Variants in BSPRY observed in about 807,000 individuals in gnomAD.
BSPRY encodes the protein B-box and SPRY domain containing.
In BSPRY, 33 loss-of-function variants were observed where a neutral mutation model predicts 38.0. The observed-to-expected ratio is 0.87, with a 90% CI of 0.66 to 1.16. BSPRY has a LOEUF of 1.16. BSPRY is among the 50% of genes most tolerant of loss of function. BSPRY has a pLI of 0.00. For missense variants in BSPRY, 523 were observed against 533.2 expected (o/e 0.98, Z 0.19); for synonymous variants, 224 against 228.5 (o/e 0.98, Z 0.18).
At position 113,371,012 on chromosome 9, in the gene BSPRY, T is replaced by C. The variant is rs1439216771; in HGVS notation, c.*870T>C. The C allele has an allele frequency of 2.0e-5, 3 of 152,270 alleles. No individual in the cohort carries two copies. The highest frequency in any genetic ancestry group is 7.2e-5 in the African/African-American group (3 of 41,462). 9.4% of individuals were successfully genotyped at this position (152,270 alleles called of 1,614,324 possible). Reference sequence around the variant, plus strand: ...GGATCATGTCTCCAGGTAACCCGACTGTAGCCCCTGCTGGCTGAGCTCCAG... The same window carrying C: ...GGATCATGTCTCCAGGTAACCCGACCGTAGCCCCTGCTGGCTGAGCTCCAG... On this transcript the variant is annotated 3_prime_UTR_variant, in exon 6 of 6. Transcript: ENST00000374183.
At chr9:113,358,416 C>T (rs1242761229) in intron 2 of BSPRY, among the ~76,000 whole-genome samples, 1 of 151,810 alleles carries the variant, frequency 6.6e-6, no homozygotes, top group East Asian at 2.0e-4. Context: ...TTACAGGCTC[C>T]CACCACCAGG....
At chr9:113,360,146 T>C (rs1441303585) in intron 2 of BSPRY, among the ~76,000 whole-genome samples, 1 of 152,224 alleles carries the variant, frequency 6.6e-6, no homozygotes, top group Non-Finnish European at 1.5e-5. Flanking sequence ...TTAGGCCCTC[T>C]GCTCTGCAAT....
intron 4 of BSPRY, 35 bp downstream of exon 4, chr9:113,362,429 T>G: frequency 6.2e-7 from 1 of 1,607,052 alleles, no homozygotes; most frequent in Non-Finnish European, 8.5e-7. Flanking sequence ...CTGGGTAGTC[T>G]TGGAGACCCT....
intron 4 of BSPRY, among the ~76,000 whole-genome samples, chr9:113,367,116 AT>A (rs1471198386): frequency 2.0e-5 from 3 of 152,190 alleles, no homozygotes; most frequent in African/African-American, 7.2e-5. Context: ...CCTGGGCTTC[AT>A]CCCAGTTTTG....
intron 4 of BSPRY, among the ~76,000 whole-genome samples, chr9:113,363,183 C>A (rs575448503): frequency 8.7e-4 from 133 of 152,320 alleles, no homozygotes; most frequent in Non-Finnish European, 2.9e-4. Context: ...TGGTGTCTTA[C>A]ACCTGTAATT....
Position 113,349,541 on chromosome 9 carries a change from A to C in BSPRY, c.-39A>C. ...GGTCAGCCAGGCCCCGCCCGCCGCC[A>C]CCTGCGACAGGTGGAGCGCACGGGG... On this transcript the variant is annotated 5_prime_UTR_variant, in exon 1 of 6. Coordinates refer to ENST00000374183, the MANE Select transcript of BSPRY (RefSeq NM_017688.3). The C allele has an allele frequency of 1.8e-6, 2 of 1,104,764 alleles. No individual in the cohort carries two copies. Among genetic ancestry groups the C allele is most frequent in the Non-Finnish European group, 2.2e-6 (2 of 908,122 alleles). The allele number at this position is 1,104,764 out of a possible 1,614,324, so 68.4% of individuals were successfully genotyped here.
chr9:113,356,025 A>T (rs1834052271), intron 2 of BSPRY, among the ~76,000 whole-genome samples: 1 of 152,236 alleles, frequency 6.6e-6, no homozygotes, highest in Admixed American at 6.5e-5. Flanking sequence ...TCAATGGGTT[A>T]GGCATTCTCC....
At position 113,360,515 on chromosome 9, in the gene BSPRY, C is replaced by T; in HGVS notation, c.309C>T (p.Ala103=). The change falls in exon 3 of 6, where the codon GCC becomes GCT. Residue 103 remains alanine (A), a synonymous_variant. Coordinates refer to ENST00000374183, the MANE Select transcript of BSPRY (RefSeq NM_017688.3). The part of the protein sequence containing the change: ...PGKNQRAVSM[A]SAARELVIQR... ...ATTTTATCCCTCATTAGAGCATGGC[C>T]AGTGCAGCGAGGGAACTGGTTATCC... 1.9e-6 allele frequency: 3 copies of T among 1,595,784 alleles called. No homozygotes were observed. The highest frequency in any genetic ancestry group is 2.6e-6 in the Non-Finnish European group (3 of 1,173,208).
At chr9:113,357,749 C>A (rs968886567) in intron 2 of BSPRY, among the ~76,000 whole-genome samples, 3 of 151,144 alleles carry the variant, frequency 2.0e-5, no homozygotes, top group Admixed American at 2.0e-4. Flanking sequence ...CACTCCATTG[C>A]CCAGGCTGAA....
chr9:113,354,153 CAT>C (rs139872649), intron 1 of BSPRY, 85 bp from the exon 2 acceptor site: 104,802 of 1,076,748 alleles, frequency 0.097, 5,616 homozygotes, highest in Non-Finnish European at 0.11. Context: ...GGGTGGCTGA[CAT>C]GTGGTAACAG....
chr9:113,365,705 C>T lies in BSPRY; in HGVS notation c.558-2554C>T, dbSNP rs147326963. 2.6e-3 allele frequency among the ~76,000 whole-genome samples: 387 copies of T among 147,160 alleles called. 3 individuals are homozygous for T. Among genetic ancestry groups the T allele is most frequent in the African/African-American group, 9.6e-3 (380 of 39,486 alleles). ...CTCACTCAGCTCACTCAGCATATAGCAGATGGAACTAGGAAGGGAGAAAGA... is the reference window on the plus strand; with the variant it reads ...CTCACTCAGCTCACTCAGCATATAGTAGATGGAACTAGGAAGGGAGAAAGA... On this transcript the variant is annotated intron_variant, in intron 4 of 5. Coordinates refer to ENST00000374183, the MANE Select transcript of BSPRY (RefSeq NM_017688.3).
At chr9:113,356,098 G>C (rs1411582542) in intron 2 of BSPRY, among the ~76,000 whole-genome samples, 1 of 152,226 alleles carries the variant, frequency 6.6e-6, no homozygotes, top group Non-Finnish European at 1.5e-5. Context: ...AAGAGGGACA[G>C]TAACAAAATC....
chr9:113,355,890 A>G (rs1834049843), intron 2 of BSPRY, among the ~76,000 whole-genome samples: 1 of 152,100 alleles, frequency 6.6e-6, no homozygotes, highest in African/African-American at 2.4e-5. Flanking sequence ...TGCTGGGATT[A>G]CAGGCGTGAG....
chr9:113,360,215 G>A (rs1042236149), intron 2 of BSPRY, among the ~76,000 whole-genome samples: 3 of 152,164 alleles, frequency 2.0e-5, no homozygotes, highest in African/African-American at 7.2e-5. Context: ...ATTAAGCAGA[G>A]TATTCTAGTT....
In BSPRY at chr9:113,366,817, A is replaced by G. The variant is rs548679686; in HGVS notation, c.558-1442A>G. ...GCATTTCTAAGGTTCTGTTCACCTT[A>G]TACCTCCCAAGACAGAACAGTGACA... is the stretch of plus-strand genomic sequence containing the variant. On this transcript the variant is annotated intron_variant, in intron 4 of 5. Coordinates refer to ENST00000374183, the MANE Select transcript of BSPRY (RefSeq NM_017688.3). 2.4e-4 allele frequency among the ~76,000 whole-genome samples: 36 copies of G among 152,344 alleles called. No individual in the cohort carries two copies. The South Asian group carries it at 6.0e-3, about 25-fold the overall frequency.
chr9:113,350,495 C>G (rs886794892), intron 1 of BSPRY, among the ~76,000 whole-genome samples: 8 of 152,132 alleles, frequency 5.3e-5, no homozygotes, highest in Admixed American at 2.0e-4. Flanking sequence ...CAGCTCGGCT[C>G]CAGGGTGGCC....
In BSPRY at chr9:113,360,626, C is replaced by T; in HGVS notation, c.420C>T (p.His140=). The part of the protein sequence containing the change: ...EQVHGEEERA[H]QSILTQRVHW... Reference sequence around the variant, plus strand: ...TGCATGGCGAAGAGGAGCGGGCCCACCAGAGCATCCTGACACAGCGGGTGC... The same window carrying T: ...TGCATGGCGAAGAGGAGCGGGCCCATCAGAGCATCCTGACACAGCGGGTGC... Residue 140 remains histidine (H), a synonymous_variant, in exon 3 of 6, where the codon CAC becomes CAT. Coordinates refer to ENST00000374183, the MANE Select transcript of BSPRY (RefSeq NM_017688.3). 1.2e-6 allele frequency: 2 copies of T among 1,609,096 alleles called. No homozygotes were observed. Among genetic ancestry groups the T allele is most frequent in the South Asian group, 1.1e-5 (1 of 89,962 alleles).
chr9:113,366,114 G>T (rs534846463), intron 4 of BSPRY, among the ~76,000 whole-genome samples: 32 of 152,172 alleles, frequency 2.1e-4, no homozygotes, highest in African/African-American at 7.7e-4. Context: ...CTGTATCACA[G>T]ATTCTAATTC....
At chr9:113,354,867 A>T (rs1051717969) in intron 2 of BSPRY, among the ~76,000 whole-genome samples, 4 of 150,896 alleles carry the variant, frequency 2.7e-5, no homozygotes, top group African/African-American at 7.3e-5. Context: ...CTTTTTTTTA[A>T]TTTTTTTTCT....
Sources: gnomAD v4.1 joint callset for allele counts (sites outside exome capture counted in the v4.1 genomes callset) on GRCh38, gnomAD v4.1.1 for gene constraint, MANE v1.5 for transcripts, NCBI Gene and HGNC (gene_info 2026-07-23, HGNC 2026-07-21) for gene names.